Variants in ABCB5 observed in about 807,000 individuals in gnomAD.
ABCB5 encodes ATP-binding cassette sub-family B member 5.
In ABCB5, 155 loss-of-function variants were observed where a neutral mutation model predicts 144.2. That is an observed-to-expected ratio of 1.08 (90% CI 0.94 to 1.23). ABCB5 has a LOEUF of 1.23. Among genes scored for constraint, ABCB5 ranks in the 50% most tolerant of loss-of-function variants. The pLI, the probability that ABCB5 is intolerant of heterozygous loss-of-function variation, is 0.00. For missense variants in ABCB5, 1,830 were observed against 1,520.8 expected, an observed-to-expected ratio of 1.20 and a Z score of -3.38; for synonymous variants, 610 against 528.6, an observed-to-expected ratio of 1.15 and a Z score of -2.11.
chr7:20,731,905 C>T (rs1011954220), intron 23 of ABCB5, among the ~76,000 whole-genome samples: 8 of 152,198 alleles, frequency 5.3e-5, no homozygotes, highest in Non-Finnish European at 7.3e-5. Flanking sequence ...CTTGTGTCCA[C>T]TCTTGCTTCC....
chr7:20,685,507 C>T (rs965521033), intron 15 of ABCB5, among the ~76,000 whole-genome samples, 189 bp from the exon 16 acceptor site: 6 of 152,150 alleles, frequency 3.9e-5, no homozygotes, highest in Admixed American at 3.9e-4. Flanking sequence ...TATTGTCAGT[C>T]ACTAACATTT....
chr7:20,704,075 C>CTATTTTTTTTTTTTTTTT (rs1786728623), intron 19 of ABCB5, among the ~76,000 whole-genome samples: 1 of 80,772 alleles, frequency 1.2e-5, no homozygotes, highest in Non-Finnish European at 2.2e-5. Context: ...TATTGCCTTC[C>CTATTTTTTTTTTTTTTTT]TTTTTTTTTT....
intron 14 of ABCB5, among the ~76,000 whole-genome samples, chr7:20,674,846 A>T (rs1045175141): frequency 1.1e-4 from 16 of 151,892 alleles, no homozygotes; most frequent in African/African-American, 3.4e-4. Flanking sequence ...ACATAAAAAA[A>T]TTAGTTGCAT....
At chr7:20,631,189 T>C (rs1054384743) in intron 4 of ABCB5, among the ~76,000 whole-genome samples, 15 of 152,158 alleles carry the variant, frequency 9.9e-5, no homozygotes, top group African/African-American at 3.1e-4. Flanking sequence ...TTTATAAGAC[T>C]GCAGGAACCA....
chr7:20,654,562 G>A (rs373767339), intron 13 of ABCB5, among the ~76,000 whole-genome samples: 31 of 152,172 alleles, frequency 2.0e-4, no homozygotes, highest in African/African-American at 7.0e-4. Flanking sequence ...AAGTGCACAC[G>A]CAACATTCTC....
At chr7:20,657,916 T>C (rs1412256784) in intron 13 of ABCB5, among the ~76,000 whole-genome samples, 3 of 152,216 alleles carry the variant, frequency 2.0e-5, no homozygotes, top group Non-Finnish European at 4.4e-5. Flanking sequence ...CCATGTTTCC[T>C]GGGCGCTAGA....
rs59970398 is a variant in ABCB5 at position 20,618,764 on chromosome 7, C to CTTTTTTTTTTT, written c.-22+2945_-22+2955dup. On this transcript the variant is annotated intron_variant, in intron 1 of 27. Coordinates refer to ENST00000404938, the MANE Select transcript of ABCB5 (RefSeq NM_001163941.2). Reference sequence around the variant, plus strand: ...TCATGGCATATATGTGCTGCATTTTCTTTTTTTTTTTTTTTTTTTTTTTTT... The same window carrying CTTTTTTTTTTT: ...TCATGGCATATATGTGCTGCATTTTCTTTTTTTTTTTTTTTTTTTTTTTTTTTTTTTTTTTT... 6.0e-4 allele frequency among the ~76,000 whole-genome samples: 31 copies of CTTTTTTTTTTT among 51,576 alleles called. 6 individuals carry two copies. The highest frequency in any genetic ancestry group is 8.3e-4 in the African/African-American group (11 of 13,180). 33.8% of individuals were successfully genotyped at this position (51,576 alleles called of 152,430 possible).
At chr7:20,670,636 G>A (rs1785436399) in intron 14 of ABCB5, among the ~76,000 whole-genome samples, 2 of 152,202 alleles carry the variant, frequency 1.3e-5, no homozygotes, top group African/African-American at 4.8e-5. Context: ...CTGGCCGGGT[G>A]CGGTGGCTCA....
intron 3 of ABCB5, among the ~76,000 whole-genome samples, chr7:20,627,437 A>G (rs147462823): frequency 1.8e-4 from 27 of 152,342 alleles, no homozygotes; most frequent in South Asian, 1.5e-3. Context: ...GTCTCCATTC[A>G]TAAAATATGC....
intron 20 of ABCB5, among the ~76,000 whole-genome samples, chr7:20,708,463 T>C (rs1167912120): frequency 1.3e-5 from 2 of 152,156 alleles, no homozygotes; most frequent in Non-Finnish European, 2.9e-5. Flanking sequence ...ATAATTGTCC[T>C]ACTGCACTGT....
chr7:20,656,394 T>C (rs888603431), intron 13 of ABCB5, among the ~76,000 whole-genome samples: 7 of 151,994 alleles, frequency 4.6e-5, no homozygotes, highest in African/African-American at 1.7e-4. Context: ...ATCCAGAATA[T>C]ATAAAGAACT....
chr7:20,654,535 C>T (rs58835955), intron 13 of ABCB5, among the ~76,000 whole-genome samples: 1 of 152,044 alleles, frequency 6.6e-6, no homozygotes, highest in Admixed American at 6.5e-5. Context: ...CAGCCAACAA[C>T]AGCAGAATAC....
intron 16 of ABCB5, among the ~76,000 whole-genome samples, chr7:20,694,461 T>G (rs1786339754): frequency 6.6e-6 from 1 of 152,044 alleles, no homozygotes; most frequent in Non-Finnish European, 1.5e-5. Context: ...TAAAAGAAAT[T>G]CCTTCAACCT....
Position 20,723,064 on chromosome 7 carries a change from G to A in ABCB5, c.2470G>A (p.Gly824Arg), listed in dbSNP as rs1044296114. ...CTTAACACAAAATGCAACTAACATG[G>A]GACTTTCAGTTATCATTTCCTTTAT... ...GVLTQNATNM[G>R]LSVIISFIYG... Residue 824 changes from glycine to arginine, a missense_variant, in exon 21 of 28, where the codon GGA (glycine) becomes AGA (arginine). By Grantham distance (125) the Gly-to-Arg change is moderately radical (BLOSUM62 -2). Transcript: ENST00000404938. 6.2e-7 allele frequency: 1 copy of A among 1,613,954 alleles called. No homozygotes were observed. Among genetic ancestry groups the A allele is most frequent in the Non-Finnish European group, 8.5e-7 (1 of 1,180,020 alleles).
chr7:20,739,592 T>C (rs1009815140), intron 24 of ABCB5, among the ~76,000 whole-genome samples: 6 of 152,304 alleles, frequency 3.9e-5, no homozygotes, highest in African/African-American at 1.4e-4. Flanking sequence ...TTAAAATATA[T>C]GCTTTTAATT....
intron 24 of ABCB5, among the ~76,000 whole-genome samples, chr7:20,742,150 G>C (rs1358390818): frequency 6.6e-6 from 1 of 152,150 alleles, no homozygotes; most frequent in African/African-American, 2.4e-5. Context: ...AAGGTGGGCA[G>C]ATTGCTTGAG....
intron 14 of ABCB5, among the ~76,000 whole-genome samples, chr7:20,665,776 C>G (rs1422547938): frequency 6.7e-4 from 91 of 136,490 alleles, no homozygotes; most frequent in African/African-American, 2.1e-3. Context: ...GAGATACATA[C>G]ATACATACAT....
At chr7:20,651,744 T>C in intron 13 of ABCB5, 121 bp downstream of exon 13, 1 of 1,075,174 alleles carries the variant, frequency 9.3e-7, no homozygotes, top group Non-Finnish European at 1.3e-6. Context: ...TTCTGGATTG[T>C]CCTAGAACAA....
In ABCB5 at chr7:20,727,135, A is replaced by T. The variant is rs1393047128; in HGVS notation, c.2721A>T (p.Gln907His). ...EQMYEEMLQTQHRNTSKKAQI... is the reference protein window; with the variant it reads ...EQMYEEMLQTHHRNTSKKAQI... ...TGTATGAAGAGATGCTTCAGACTCA[A>T]CACAGGTGATTATAGATTCATACTG... Residue 907 changes from glutamine (Q) to histidine (H), a missense_variant, in exon 22 of 28, where the codon CAA becomes CAT. Coordinates refer to ENST00000404938, the MANE Select transcript of ABCB5 (RefSeq NM_001163941.2). 2 of 1,612,318 alleles carry T rather than the reference A, an allele frequency of 1.2e-6. No individual in the cohort carries two copies. The highest frequency in any genetic ancestry group is 1.7e-6 in the Non-Finnish European group (2 of 1,178,806).
Sources: allele counts gnomAD v4.1 joint callset (sites outside exome capture counted in the v4.1 genomes callset), GRCh38; gene constraint gnomAD v4.1.1; transcripts MANE v1.5; gene names NCBI Gene and HGNC (gene_info 2026-07-23, HGNC 2026-07-21).